The following NKAIN3 variants were observed in gnomAD, a reference collection of about 807,000 sequenced individuals.
NKAIN3 encodes the protein sodium/potassium transporting ATPase interacting 3.
NKAIN3 carries 25 observed loss-of-function variants against 30.2 expected under a neutral mutation model. The observed-to-expected ratio is 0.83, with a 90% confidence interval of 0.60 to 1.16. The LOEUF is 1.16. Among genes scored for constraint, NKAIN3 ranks in the 50% most tolerant of loss-of-function variants. The pLI, the probability that NKAIN3 is intolerant of heterozygous loss-of-function variation, is 0.00. For missense variants in NKAIN3, 225 were observed against 254.1 expected (o/e 0.89, Z 0.78); for synonymous variants, 91 against 89.6 (o/e 1.02, Z -0.09).
intron 5 of NKAIN3, among the ~76,000 whole-genome samples, chr8:62,920,270 A>T (rs937312907): frequency 6.6e-6 from 1 of 152,232 alleles, no homozygotes; most frequent in Admixed American, 6.5e-5. Flanking sequence ...TCAAACAACA[A>T]CAACATCCAA....
intron 1 of NKAIN3, among the ~76,000 whole-genome samples, chr8:62,454,055 A>AC (rs1805733162): frequency 6.6e-6 from 1 of 151,978 alleles, no homozygotes; most frequent in South Asian, 2.1e-4. Context: ...TCTAATCTCT[A>AC]CCTTTATTTT....
At chr8:62,857,176 T>C (rs1820087899) in intron 4 of NKAIN3, 2 of 312,748 alleles carry the variant, frequency 6.4e-6, no homozygotes, top group South Asian at 6.1e-5. Context: ...CCCCAATCTC[T>C]TCTGGCTGTA....
chr8:62,788,183 A>G (rs982267224), intron 4 of NKAIN3, among the ~76,000 whole-genome samples: 8 of 152,146 alleles, frequency 5.3e-5, no homozygotes, highest in Non-Finnish European at 1.0e-4. Context: ...ATTTCTCCAC[A>G]TCGTCTCCAG....
At chr8:62,322,892 A>C (rs191077075) in intron 1 of NKAIN3, among the ~76,000 whole-genome samples, 1 of 152,242 alleles carries the variant, frequency 6.6e-6, no homozygotes, top group South Asian at 2.1e-4. Context: ...AGATGCACAG[A>C]TCGCTAATAA....
chr8:62,937,400 C>T (rs980082601), intron 5 of NKAIN3, among the ~76,000 whole-genome samples: 60 of 152,108 alleles, frequency 3.9e-4, no homozygotes, highest in African/African-American at 1.4e-3. Context: ...CACACATCCT[C>T]ACTGGGAAAC....
chr8:62,465,203 G>A (rs1470776), intron 1 of NKAIN3, among the ~76,000 whole-genome samples: 73,990 of 151,984 alleles, frequency 0.49, 19,084 homozygotes, highest in East Asian at 0.61. Flanking sequence ...TATTGTATAC[G>A]TTGCAAGTAA....
rs1355033384 is a variant in NKAIN3 at position 62,875,780 on chromosome 8, G to A, written c.472-42673G>A. On this transcript the variant is annotated intron_variant, in intron 4 of 6. Transcript: ENST00000623646. ...TTGGAAAACAGGCTAGCCATATGTAGAAAACTGAATCTGGACCCATCCCTT... is the reference window on the plus strand; with the variant it reads ...TTGGAAAACAGGCTAGCCATATGTAAAAAACTGAATCTGGACCCATCCCTT... 3.3e-5 allele frequency among the ~76,000 whole-genome samples: 5 copies of A among 152,280 alleles called. No individual in the cohort carries two copies. In the East Asian group the frequency reaches 9.6e-4, roughly 29 times the overall value.
chr8:62,345,437 GTATATATACACACATA>G lies in NKAIN3; in HGVS notation c.54+96312_54+96327del, dbSNP rs1563942546. On this transcript the variant is annotated intron_variant, in intron 1 of 6. Coordinates refer to ENST00000623646, the MANE Select transcript of NKAIN3 (RefSeq NM_001304533.3). ...TATATACACATATATACACATATATGTATATATACACACATATGTATATATACACATATATACACAT... is the reference window on the plus strand; with the variant it reads ...TATATACACATATATACACATATATGTGTATATATACACATATATACACAT... Among the ~76,000 whole-genome samples, 192 of 119,812 alleles carry G rather than the reference GTATATATACACACATA, an allele frequency of 1.6e-3. 3 individuals are homozygous for G. The highest frequency in any genetic ancestry group is 6.8e-3 in the African/African-American group (181 of 26,670). 78.6% of individuals were successfully genotyped at this position (119,812 alleles called of 152,430 possible).
intron 3 of NKAIN3, among the ~76,000 whole-genome samples, chr8:62,688,139 G>T (rs1813853684): frequency 1.3e-5 from 2 of 152,148 alleles, no homozygotes; most frequent in Non-Finnish European, 1.5e-5. Flanking sequence ...AAATAATTCA[G>T]TTCCTCATAA....
intron 4 of NKAIN3, among the ~76,000 whole-genome samples, chr8:62,783,235 G>C (rs1480124): frequency 6.6e-6 from 1 of 151,940 alleles, no homozygotes; most frequent in Non-Finnish European, 1.5e-5. Flanking sequence ...TTTTAGTAAG[G>C]GATTAAGTCA....
intron 4 of NKAIN3, chr8:62,856,720 G>T: frequency 2.8e-6 from 2 of 721,050 alleles, no homozygotes; most frequent in Middle Eastern, 4.2e-4. Flanking sequence ...TGTTCCTGCT[G>T]CCCCTTAAAC....
chr8:62,465,270 A>T (rs1806127720), intron 1 of NKAIN3, among the ~76,000 whole-genome samples: 1 of 152,190 alleles, frequency 6.6e-6, no homozygotes, highest in South Asian at 2.1e-4. Context: ...AATTACTAGA[A>T]TTTAACCTCC....
At chr8:62,731,303 A>C (rs2130544782) in intron 3 of NKAIN3, among the ~76,000 whole-genome samples, 1 of 151,696 alleles carries the variant, frequency 6.6e-6, no homozygotes, top group Non-Finnish European at 1.5e-5. Context: ...ATTTTTAATC[A>C]TGAGTGAAAT....
chr8:62,842,282 A>C (rs564969172), intron 4 of NKAIN3, among the ~76,000 whole-genome samples: 2 of 152,272 alleles, frequency 1.3e-5, no homozygotes, highest in African/African-American at 4.8e-5. Context: ...AAAAAATTTA[A>C]AACTTAGATG....
intron 4 of NKAIN3, among the ~76,000 whole-genome samples, chr8:62,816,516 C>A (rs978983809): frequency 2.0e-5 from 3 of 152,110 alleles, no homozygotes; most frequent in African/African-American, 7.2e-5. Flanking sequence ...GGCAGTTCTA[C>A]CTCTGGAGGC....
At chr8:62,845,530 G>A (rs1819664603) in intron 4 of NKAIN3, among the ~76,000 whole-genome samples, 1 of 151,880 alleles carries the variant, frequency 6.6e-6, no homozygotes, top group Admixed American at 6.6e-5. Flanking sequence ...AATGACGAAA[G>A]AGGATTGGAT....
intron 1 of NKAIN3, among the ~76,000 whole-genome samples, chr8:62,290,787 T>G (rs993925173): frequency 1.3e-5 from 2 of 152,212 alleles, no homozygotes; most frequent in Admixed American, 1.3e-4. Flanking sequence ...CTTTTTCTAT[T>G]GATTGGAATA....
chr8:62,601,921 T>C (rs1810994563), intron 3 of NKAIN3, among the ~76,000 whole-genome samples: 1 of 152,088 alleles, frequency 6.6e-6, no homozygotes, highest in Non-Finnish European at 1.5e-5. Flanking sequence ...CCTCAGTTTC[T>C]TTTTTATAGT....
chr8:62,986,179 A>G (rs939553930), downstream of NKAIN3, among the ~76,000 whole-genome samples: 7 of 152,162 alleles, frequency 4.6e-5, no homozygotes, highest in African/African-American at 1.4e-4. Context: ...GTATTTGGAG[A>G]TCTGTGCTAA....
Sources: gnomAD v4.1 joint callset for allele counts (sites outside exome capture counted in the v4.1 genomes callset) on GRCh38, gnomAD v4.1.1 for gene constraint, MANE v1.5 for transcripts, NCBI Gene and HGNC (gene_info 2026-07-23, HGNC 2026-07-21) for gene names.